EFCAB11: variants seen among roughly 807,000 people sequenced by gnomAD.
EFCAB11 encodes EF-hand calcium binding domain 11.
Under a neutral mutation model 23.0 loss-of-function variants are expected in EFCAB11, and 14 were observed. The ratio of observed to expected loss-of-function variants is 0.61; its 90% CI spans 0.40 to 0.95. EFCAB11 has a LOEUF of 0.95. Among genes scored for constraint, EFCAB11 ranks in the 40% least tolerant of loss-of-function variants. The pLI, the probability that EFCAB11 is intolerant of heterozygous loss-of-function variation, is 0.00. For missense variants in EFCAB11, 198 were observed against 195.8 expected, an observed-to-expected ratio of 1.01 and a Z score of -0.07; for synonymous variants, 65 against 66.6, an observed-to-expected ratio of 0.98 and a Z score of 0.11.
intron 5 of EFCAB11, among the ~76,000 whole-genome samples, chr14:89,816,436 C>A (rs28460150): frequency 0.23 from 34,499 of 152,054 alleles, 4,894 homozygotes; most frequent in East Asian, 0.42. Flanking sequence ...AACTAACATG[C>A]AAAGTAACCA....
intron 3 of EFCAB11, among the ~76,000 whole-genome samples, chr14:89,944,568 C>G (rs1596469870): frequency 6.6e-6 from 1 of 152,204 alleles, no homozygotes; most frequent in East Asian, 1.9e-4. Flanking sequence ...TGTGGGAAAT[C>G]CTTTTGCCAG....
intron 5 of EFCAB11, among the ~76,000 whole-genome samples, chr14:89,916,226 T>C (rs191369146): frequency 4.6e-5 from 7 of 150,780 alleles, no homozygotes; most frequent in Admixed American, 2.0e-4. Flanking sequence ...GAAGTACATC[T>C]AGCTACTTGT....
intron 5 of EFCAB11, among the ~76,000 whole-genome samples, chr14:89,842,507 GGAGGCTGCAGT>G (rs1887298943): frequency 6.6e-6 from 1 of 152,138 alleles, no homozygotes; most frequent in Non-Finnish European, 1.5e-5. Flanking sequence ...CCCAGGAGGC[GGAGGCTGCAGT>G]GAGCCGAGAT....
intron 5 of EFCAB11, among the ~76,000 whole-genome samples, chr14:89,874,309 A>C (rs1304750163): frequency 6.6e-6 from 1 of 152,146 alleles, no homozygotes; most frequent in African/African-American, 2.4e-5. Flanking sequence ...CCAGCCCACA[A>C]AACCATTTTT....
intron 5 of EFCAB11, among the ~76,000 whole-genome samples, chr14:89,875,338 T>TC (rs1389126643): frequency 6.6e-6 from 1 of 152,088 alleles, no homozygotes; most frequent in Non-Finnish European, 1.5e-5. Context: ...TCCCACTGGG[T>TC]CCCTCCCATG....
chr14:89,931,933 G>T (rs531196158), intron 4 of EFCAB11, among the ~76,000 whole-genome samples: 2 of 152,282 alleles, frequency 1.3e-5, no homozygotes, highest in Admixed American at 1.3e-4. Flanking sequence ...TAACAACGGT[G>T]TTAGACTTTG....
At chr14:89,863,906 T>C (rs1176700459) in intron 5 of EFCAB11, among the ~76,000 whole-genome samples, 1 of 152,240 alleles carries the variant, frequency 6.6e-6, no homozygotes, top group Non-Finnish European at 1.5e-5. Context: ...ATTCATGTAT[T>C]CTGAATTTTA....
chr14:89,950,280 C>A, intron 2 of EFCAB11, 138 bp from the exon 3 acceptor site: 1 of 854,896 alleles, frequency 1.2e-6, no homozygotes, highest in Non-Finnish European at 1.7e-6. Context: ...AGTAATGATA[C>A]ACAATAGCTA....
chr14:89,822,144 G>C (rs1367274851), intron 5 of EFCAB11, among the ~76,000 whole-genome samples: 1 of 151,766 alleles, frequency 6.6e-6, no homozygotes, highest in South Asian at 2.1e-4. Flanking sequence ...TAAAACACTG[G>C]AGCTTCTGGT....
At chr14:89,860,476 T>A (rs1887889495) in intron 5 of EFCAB11, among the ~76,000 whole-genome samples, 1 of 152,162 alleles carries the variant, frequency 6.6e-6, no homozygotes, top group South Asian at 2.1e-4. Flanking sequence ...GCATACTACC[T>A]CACATGCTGT....
chr14:89,817,994 A>AAAAT (rs142381636), intron 5 of EFCAB11, among the ~76,000 whole-genome samples: 63 of 150,800 alleles, frequency 4.2e-4, no homozygotes, highest in Admixed American at 7.9e-4. Context: ...ACTCTGTCTC[A>AAAAT]AAATAAATAA....
chr14:89,826,042 G>T (rs1886679708), intron 5 of EFCAB11, among the ~76,000 whole-genome samples: 1 of 152,016 alleles, frequency 6.6e-6, no homozygotes, highest in Non-Finnish European at 1.5e-5. Context: ...TGGAGAGCAG[G>T]GTGGTGGGGG....
At chr14:89,815,530 A>T (rs1886307755) in intron 5 of EFCAB11, among the ~76,000 whole-genome samples, 1 of 151,838 alleles carries the variant, frequency 6.6e-6, no homozygotes, top group South Asian at 2.1e-4. Flanking sequence ...AGGTTCAAGC[A>T]ATTTTCCTGC....
intron 5 of EFCAB11, among the ~76,000 whole-genome samples, chr14:89,817,419 G>C (rs1463816635): frequency 6.6e-6 from 1 of 152,074 alleles, no homozygotes; most frequent in African/African-American, 2.4e-5. Flanking sequence ...TATTCAGAAG[G>C]CTGAGATAGG....
chr14:89,917,281 T>C (rs1201147411), intron 5 of EFCAB11, among the ~76,000 whole-genome samples: 1 of 152,134 alleles, frequency 6.6e-6, no homozygotes, highest in South Asian at 2.1e-4. Flanking sequence ...GCAACTACCA[T>C]TCCACTCTTT....
chr14:89,858,638 C>T (rs1295853623), intron 5 of EFCAB11, among the ~76,000 whole-genome samples: 3 of 150,156 alleles, frequency 2.0e-5, no homozygotes, highest in African/African-American at 7.3e-5. Flanking sequence ...CACAGGTGTG[C>T]ATCACCACAC....
intron 5 of EFCAB11, among the ~76,000 whole-genome samples, chr14:89,817,540 TA>T (rs1886373968): frequency 6.6e-6 from 1 of 151,896 alleles, no homozygotes; most frequent in Non-Finnish European, 1.5e-5. Context: ...ATTATAAATA[TA>T]AACTTAGATG....
intron 5 of EFCAB11, among the ~76,000 whole-genome samples, chr14:89,905,046 C>T (rs1289672392): frequency 1.3e-5 from 2 of 152,100 alleles, no homozygotes; most frequent in Non-Finnish European, 2.9e-5. Flanking sequence ...TAAATTCTTC[C>T]TCCTGCTGGG....
chr14:89,856,576 T>C (rs1312246846), intron 5 of EFCAB11, among the ~76,000 whole-genome samples: 1 of 152,218 alleles, frequency 6.6e-6, no homozygotes, highest in African/African-American at 2.4e-5. Context: ...TTCCCTCCTC[T>C]ACACCTTTGC....
Sources: gnomAD v4.1 joint callset for allele counts (sites outside exome capture counted in the v4.1 genomes callset) on GRCh38, gnomAD v4.1.1 for gene constraint, MANE v1.5 for transcripts, NCBI Gene and HGNC (gene_info 2026-07-23, HGNC 2026-07-21) for gene names.